Variants in ERI3 observed in about 807,000 individuals in gnomAD.
ERI3 encodes ERI1 exoribonuclease 3.
ERI3 carries 18 observed loss-of-function variants against 44.4 expected under a neutral mutation model. The observed-to-expected ratio is 0.41, with a 90% CI of 0.28 to 0.60. The LOEUF is 0.60. Ranked by LOEUF, ERI3 falls within the 20% of genes least tolerant of loss-of-function variation. The probability of loss-of-function intolerance (pLI) is 0.36; values close to 1 mark genes in which losing one functional copy is unlikely to be tolerated. For missense variants in ERI3, 294 were observed against 435.5 expected (o/e 0.68, Z 2.89); for synonymous variants, 183 against 164.8 (o/e 1.11, Z -0.84).
At chr1:44,272,919 AG>A (rs1201603085) in intron 7 of ERI3, among the ~76,000 whole-genome samples, 4 of 152,096 alleles carry the variant, frequency 2.6e-5, no homozygotes, top group African/African-American at 9.7e-5. Context: ...AATTTACTAT[AG>A]TTTTTTTTTC....
intron 6 of ERI3, among the ~76,000 whole-genome samples, chr1:44,293,571 C>A (rs936654893): frequency 2.6e-5 from 4 of 152,122 alleles, no homozygotes; most frequent in African/African-American, 9.7e-5. Context: ...AACTCTGGCA[C>A]CAGTCCTAAC....
Position 44,235,449 on chromosome 1 carries a change from G to GT in ERI3, c.931+12489dup, listed in dbSNP as rs1644282592. On this transcript the variant is annotated intron_variant, in intron 8 of 8. Coordinates refer to ENST00000372257, the MANE Select transcript of ERI3 (RefSeq NM_024066.3). The surrounding 1 kb of genome is among the most constrained non-coding windows in gnomAD (Gnocchi z 4.6). Reference sequence around the variant, plus strand: ...CACAGCAGCCAATTCTCCGCCTATCGTAACTGCCTCTCCTTCACCTCCTGC... The same window carrying GT: ...CACAGCAGCCAATTCTCCGCCTATCGTTAACTGCCTCTCCTTCACCTCCTGC... Among the ~76,000 whole-genome samples the GT allele has an allele frequency of 6.6e-6, 1 of 152,082 alleles. No individual in the cohort carries two copies. The highest frequency in any genetic ancestry group is 1.5e-5 in the Non-Finnish European group (1 of 68,016).
In ERI3 at chr1:44,342,812, AATATATATATATATATATATAT is replaced by A. The variant is rs59012227; in HGVS notation, c.212-3512_212-3491del. 7.2e-3 allele frequency among the ~76,000 whole-genome samples: 223 copies of A among 30,898 alleles called. 3 individuals are homozygous for A. Among genetic ancestry groups the A allele is most frequent in the African/African-American group, 0.011 (93 of 8,690 alleles). 20.3% of individuals were successfully genotyped at this position (30,898 alleles called of 152,430 possible). A position where few individuals can be genotyped will look rare whatever the true frequency, so the allele number is the denominator to read the frequency against. ...CAGGCATGTGCCACCACATCCAGCT[AATATATATATATATATATATAT>A]ATATATATATATATATATATATATT... On this transcript the variant is annotated intron_variant, in intron 2 of 8. Coordinates refer to ENST00000372257, the MANE Select transcript of ERI3 (RefSeq NM_024066.3).
At chr1:44,276,082 G>A (rs1645176243) in intron 7 of ERI3, among the ~76,000 whole-genome samples, 1 of 152,162 alleles carries the variant, frequency 6.6e-6, no homozygotes. Context: ...GAAGTGCCAG[G>A]CTGTTTTTAA....
intron 2 of ERI3, among the ~76,000 whole-genome samples, chr1:44,342,215 T>C (rs958829361): frequency 3.9e-5 from 6 of 152,018 alleles, no homozygotes; most frequent in Non-Finnish European, 8.8e-5. Context: ...AGTGGGAAGG[T>C]GTGGTGCAGC....
chr1:44,248,093 C>T (rs1466420770), intron 7 of ERI3, 55 bp from the exon 8 acceptor site: 1 of 1,285,314 alleles, frequency 7.8e-7, no homozygotes, highest in Non-Finnish European at 1.1e-6. Context: ...GAACCAACCC[C>T]ACTCACAAGG....
intron 4 of ERI3, among the ~76,000 whole-genome samples, chr1:44,314,651 G>A (rs1646046854): frequency 6.6e-6 from 1 of 152,142 alleles, no homozygotes; most frequent in Admixed American, 6.5e-5. Context: ...AAGATGGTCC[G>A]CTAAGGGCTG....
rs113580667 is a variant in ERI3, at chr1:44,248,702, A to T, written c.832-664T>A. On this transcript the variant is annotated intron_variant, in intron 7 of 8. Coordinates refer to ENST00000372257, the MANE Select transcript of ERI3 (RefSeq NM_024066.3). ...GTGTGTATGTATGTGTGTGAGAGAG[A>T]GTGTGTGTGTGTGTGTGTGTGTGTG... is the stretch of plus-strand genomic sequence containing the variant. Among the ~76,000 whole-genome samples the T allele has an allele frequency of 3.1e-3, 458 of 148,474 alleles. 4 individuals carry two copies. The highest frequency in any genetic ancestry group is 0.01 in the African/African-American group (403 of 40,208).
At chr1:44,281,790 T>C (rs1275293718) in intron 7 of ERI3, among the ~76,000 whole-genome samples, 1 of 151,832 alleles carries the variant, frequency 6.6e-6, no homozygotes, top group Non-Finnish European at 1.5e-5. Context: ...TGAAGGCATG[T>C]ATGGATACAG....
At chr1:44,264,402 C>T (rs1220538383) in intron 7 of ERI3, among the ~76,000 whole-genome samples, 1 of 152,196 alleles carries the variant, frequency 6.6e-6, no homozygotes. Flanking sequence ...CAGGACGTGG[C>T]TTTAAACACA....
At chr1:44,276,824 C>A (rs1288988583) in intron 7 of ERI3, among the ~76,000 whole-genome samples, 1 of 152,206 alleles carries the variant, frequency 6.6e-6, no homozygotes, top group Non-Finnish European at 1.5e-5. Flanking sequence ...TTTCATCAAA[C>A]CTCCCTGAGG....
At chr1:44,322,303 T>C (rs1032789001) in intron 3 of ERI3, among the ~76,000 whole-genome samples, 11 of 150,368 alleles carry the variant, frequency 7.3e-5, no homozygotes, top group African/African-American at 2.7e-4. Flanking sequence ...TCCTCACCCA[T>C]AGGGAAATGG....
In ERI3 at chr1:44,238,386, C is replaced by T. The variant is rs545106992; in HGVS notation, c.931+9553G>A. On this transcript the variant is annotated intron_variant, in intron 8 of 8. Transcript: ENST00000372257. ...GATAATCCCTGCGGAGAGTAAGGGC[C>T]GGCCTGGGTGTCAGCGCAGGGCTAG... is the stretch of plus-strand genomic sequence containing the variant. Among the ~76,000 whole-genome samples the T allele has an allele frequency of 3.2e-4, 49 of 152,230 alleles. No individual in the cohort carries two copies. In the South Asian group the frequency reaches 9.5e-3, roughly 30 times the overall value.
chr1:44,337,209 T>A (rs950445589), intron 3 of ERI3, among the ~76,000 whole-genome samples: 4 of 152,154 alleles, frequency 2.6e-5, no homozygotes, highest in Non-Finnish European at 5.9e-5. Context: ...TATATAAGCA[T>A]ATGCCAGAAA....
chr1:44,304,874 A>G (rs938814049), intron 6 of ERI3, among the ~76,000 whole-genome samples: 4 of 152,074 alleles, frequency 2.6e-5, no homozygotes, highest in African/African-American at 7.2e-5. Context: ...AAGGCAGGGG[A>G]AAAAAAGGAA....
At chr1:44,329,814 TACA>T (rs1425315330) in intron 3 of ERI3, among the ~76,000 whole-genome samples, 1 of 152,180 alleles carries the variant, frequency 6.6e-6, no homozygotes, top group Non-Finnish European at 1.5e-5. Context: ...GTACCCCATT[TACA>T]ACAACTATAG....
chr1:44,306,569 C>A (rs1645837505), intron 6 of ERI3, among the ~76,000 whole-genome samples: 1 of 152,208 alleles, frequency 6.6e-6, no homozygotes, highest in Admixed American at 6.5e-5. Flanking sequence ...TGCTACAGAA[C>A]AGGTCAGACC....
intron 3 of ERI3, among the ~76,000 whole-genome samples, chr1:44,336,386 T>C (rs536455395): frequency 7.2e-5 from 11 of 152,360 alleles, no homozygotes; most frequent in Non-Finnish European, 1.3e-4. Context: ...CTGCCGTCCC[T>C]TTCCTGAAGG....
intron 7 of ERI3, among the ~76,000 whole-genome samples, chr1:44,254,263 C>A (rs1011464352): frequency 2.0e-5 from 3 of 152,132 alleles, no homozygotes; most frequent in Admixed American, 6.5e-5. Flanking sequence ...CCAGAGCCAC[C>A]CCCTGAGCCT....
Sources: gnomAD v4.1 joint callset for allele counts (sites outside exome capture counted in the v4.1 genomes callset) on GRCh38, gnomAD v4.1.1 for gene constraint, Gnocchi (gnomAD v3.1) non-coding constraint, MANE v1.5 for transcripts, NCBI Gene and HGNC (gene_info 2026-07-23, HGNC 2026-07-21) for gene names.